Variants in SYTL5 observed in about 807,000 individuals in gnomAD.
The protein encoded by SYTL5 is synaptotagmin-like protein 5.
In SYTL5, 34 loss-of-function variants were observed where a neutral mutation model predicts 55.9. The ratio of observed to expected loss-of-function variants is 0.61; its 90% confidence interval spans 0.46 to 0.81. SYTL5 has a LOEUF of 0.81. Among genes scored for constraint, SYTL5 ranks in the 30% least tolerant of loss-of-function variants. The pLI, the probability that SYTL5 is intolerant of heterozygous loss-of-function variation, is 0.00. For synonymous variants in SYTL5, 221 were observed against 188.7 expected (o/e 1.17, Z -1.40); for missense variants, 637 against 546.7 (o/e 1.17, Z -1.65).
chrX:38,004,216 T>C (rs1210340213), upstream of SYTL5, among the ~76,000 whole-genome samples: 1 of 111,817 alleles, frequency 8.9e-6, no homozygotes, highest in Non-Finnish European at 1.9e-5. Context: ...TGTCACTGTT[T>C]GTTTTGGTTG....
At chrX:37,951,955 A>T in the SYTL5 span, among the ~76,000 whole-genome samples, 7 of 111,463 alleles carry the variant, frequency 6.3e-5, no homozygotes, top group African/African-American at 2.0e-4. Flanking sequence ...GCAGTAATCC[A>T]GGATCAAAGA....
chrX:37,908,775 T>A, the SYTL5 span, among the ~76,000 whole-genome samples: 3 of 111,003 alleles, frequency 2.7e-5, no homozygotes, highest in East Asian at 8.5e-4. Flanking sequence ...CTATTAAGTA[T>A]GGATCAAACC....
intron 1 of SYTL5, among the ~76,000 whole-genome samples, chrX:38,027,979 A>G (rs1202331933): frequency 9.1e-6 from 1 of 110,292 alleles, no homozygotes. Flanking sequence ...GCCTGCCCCC[A>G]TGCCTTGCTA....
chrX:37,943,548 A>T, the SYTL5 span, among the ~76,000 whole-genome samples: 8 of 111,523 alleles, frequency 7.2e-5, no homozygotes, highest in East Asian at 2.0e-3. Flanking sequence ...ACTCCTGCTG[A>T]AGGCTGGCCA....
the SYTL5 span, among the ~76,000 whole-genome samples, chrX:37,973,652 G>C: frequency 3.5e-4 from 38 of 107,495 alleles, no homozygotes; most frequent in Non-Finnish European, 6.3e-4. Flanking sequence ...TTTTTTTCTT[G>C]AGACAGAGTC....
chrX:37,891,928 C>T, the SYTL5 span, among the ~76,000 whole-genome samples: 7 of 111,502 alleles, frequency 6.3e-5, no homozygotes, highest in African/African-American at 2.3e-4. Flanking sequence ...CCTACTTCTG[C>T]CCCAAATTGT....
intron 12 of SYTL5, among the ~76,000 whole-genome samples, chrX:38,109,289 C>G (rs539398933): frequency 1.1e-4 from 12 of 111,714 alleles, no homozygotes; most frequent in Middle Eastern, 9.3e-3. Context: ...CATAATTAAC[C>G]CCTTCTCTTG....
At chrX:38,031,952 TTGTC>T (rs1256400049) in intron 1 of SYTL5, among the ~76,000 whole-genome samples, 3 of 111,854 alleles carry the variant, frequency 2.7e-5, no homozygotes, top group African/African-American at 9.8e-5. Context: ...GGCTGGCTCT[TTGTC>T]TGTAGGAAGC....
At position 38,054,293 on chromosome X, in the gene SYTL5, G is replaced by A. The variant is rs754433512; in HGVS notation, c.200G>A (p.Cys67Tyr). The A allele has an allele frequency of 8.3e-7, 1 of 1,211,313 alleles. No individual in the cohort carries two copies. The highest frequency in any genetic ancestry group is 3.0e-5 in the East Asian group (1 of 33,840). The change falls in exon 3 of 17, where the codon TGT becomes TAT. Residue 67 changes from cysteine to tyrosine, a missense_variant. By Grantham distance (194) the Cys-to-Tyr change is radical (BLOSUM62 -2). Transcript: ENST00000297875. ...GAGGCCAGCAGAGTTTGTGTTCACT[G>A]TCACAGAAACCTGGGCCTAATCTTT... ...QQEASRVCVH[C>Y]HRNLGLIFDR...
chrX:38,036,662 G>A (rs1935116644), intron 2 of SYTL5, among the ~76,000 whole-genome samples: 1 of 112,044 alleles, frequency 8.9e-6, no homozygotes, highest in African/African-American at 3.2e-5. Context: ...TAACAGCTTG[G>A]TGTATTCAGA....
intron 16 of SYTL5, among the ~76,000 whole-genome samples, chrX:38,126,053 G>T (rs779430447): frequency 1.8e-5 from 2 of 112,157 alleles, no homozygotes; most frequent in Non-Finnish European, 3.8e-5. Flanking sequence ...TGAATTGGAA[G>T]AGGGATTACA....
the SYTL5 span, among the ~76,000 whole-genome samples, chrX:37,967,133 C>T: frequency 9.0e-6 from 1 of 111,358 alleles, no homozygotes; most frequent in Non-Finnish European, 1.9e-5. Context: ...CTTACGGCGA[C>T]CTCTGCCTCC....
the SYTL5 span, among the ~76,000 whole-genome samples, chrX:37,913,187 A>G: frequency 1.3e-4 from 15 of 112,223 alleles, no homozygotes; most frequent in African/African-American, 4.9e-4. Flanking sequence ...GGTAGAAGAA[A>G]TCTGGGCCTG....
intron 5 of SYTL5, among the ~76,000 whole-genome samples, chrX:38,074,115 C>T (rs1385406238): frequency 9.0e-6 from 1 of 111,426 alleles, no homozygotes; most frequent in Non-Finnish European, 1.9e-5. Context: ...CTTAAAGCAC[C>T]ATATTCCCTA....
At chrX:38,047,890 TA>T (rs34904213) in intron 2 of SYTL5, among the ~76,000 whole-genome samples, 1 of 111,235 alleles carries the variant, frequency 9.0e-6, no homozygotes, top group Non-Finnish European at 1.9e-5. Flanking sequence ...GTCTCTTTGC[TA>T]AAACATAACA....
chrX:38,111,540 G>A (rs1937358867), intron 13 of SYTL5, among the ~76,000 whole-genome samples: 1 of 112,101 alleles, frequency 8.9e-6, no homozygotes, highest in African/African-American at 3.2e-5. Context: ...TGATCCAGAT[G>A]TTCAAATCTT....
the SYTL5 span, chrX:37,991,018 T>C: frequency 8.3e-7 from 1 of 1,212,004 alleles, no homozygotes; most frequent in Non-Finnish European, 1.1e-6. Context: ...CTCGATTGCC[T>C]TGCTGACTAC....
At chrX:37,891,660 T>G in the SYTL5 span, among the ~76,000 whole-genome samples, 1 of 111,621 alleles carries the variant, frequency 9.0e-6, no homozygotes, top group East Asian at 2.8e-4. Context: ...TATACACACA[T>G]ACATACGTGT....
the SYTL5 span, among the ~76,000 whole-genome samples, chrX:37,989,193 G>A: frequency 8.9e-6 from 1 of 111,753 alleles, no homozygotes; most frequent in Admixed American, 9.5e-5. Context: ...GATATGGGGT[G>A]TGCTTCTCAG....
Sources: gnomAD v4.1 joint callset for allele counts (sites outside exome capture counted in the v4.1 genomes callset) on GRCh38, gnomAD v4.1.1 for gene constraint, MANE v1.5 for transcripts, NCBI Gene and HGNC (gene_info 2026-07-23, HGNC 2026-07-21) for gene names.